Variants in PPARG observed in about 807,000 individuals in gnomAD.
PPARG encodes the protein peroxisome proliferator activated receptor gamma.
In PPARG, 17 loss-of-function variants were observed where a neutral mutation model predicts 39.2. The observed-to-expected ratio is 0.43, with a 90% confidence interval of 0.30 to 0.65. PPARG has a LOEUF of 0.65. PPARG is among the 30% of genes least tolerant of loss of function. The probability of loss-of-function intolerance (pLI) is 0.13; values close to 1 mark genes in which losing one functional copy is unlikely to be tolerated. For missense variants in PPARG, 406 were observed against 585.9 expected (o/e 0.69, Z 3.17); for synonymous variants, 223 against 215.7 (o/e 1.03, Z -0.30).
At chr3:12,416,622 A>G in intron 6 of PPARG, 82 bp from the exon 7 acceptor site, 2 of 1,351,278 alleles carry the variant, frequency 1.5e-6, no homozygotes, top group East Asian at 2.4e-5. Flanking sequence ...AGTTTACATA[A>G]ACAGTTTTCT....
At position 12,336,294 on chromosome 3, in the gene PPARG, G is replaced by C. The variant is rs149142522; in HGVS notation, c.-9+23841G>C. 8.2e-3 allele frequency among the ~76,000 whole-genome samples: 1,241 copies of C among 152,194 alleles called. 14 individuals are homozygous for C. Among genetic ancestry groups the C allele is most frequent in the African/African-American group, 0.028 (1,175 of 41,522 alleles). On this transcript the variant is annotated intron_variant, in intron 2 of 7. Transcript: ENST00000651735. Reference sequence around the variant, plus strand: ...ATGCTGGTTGCTCTTGGGGAGTTGTGGGGAGGAGGATAACCAGGTCAGGAG... The same window carrying C: ...ATGCTGGTTGCTCTTGGGGAGTTGTCGGGAGGAGGATAACCAGGTCAGGAG...
chr3:12,292,900 A>C (rs1044100368), intron 1 of PPARG, among the ~76,000 whole-genome samples: 2 of 152,154 alleles, frequency 1.3e-5, no homozygotes, highest in Admixed American at 6.5e-5. Flanking sequence ...CACTCTGCCC[A>C]CTGCAGTGTG....
At chr3:12,320,534 A>G (rs901957256) in intron 2 of PPARG, among the ~76,000 whole-genome samples, 3 of 152,224 alleles carry the variant, frequency 2.0e-5, no homozygotes, top group African/African-American at 7.2e-5. Context: ...CTATATTACT[A>G]TAAGAAATAT....
At chr3:12,370,020 A>G (rs1351810815) in intron 2 of PPARG, among the ~76,000 whole-genome samples, 1 of 151,944 alleles carries the variant, frequency 6.6e-6, no homozygotes, top group East Asian at 1.9e-4. Flanking sequence ...TGTCTTTCAG[A>G]TCCTTTGTTT....
intron 7 of PPARG, among the ~76,000 whole-genome samples, chr3:12,426,711 A>G (rs1008198368): frequency 2.0e-5 from 3 of 152,216 alleles, no homozygotes; most frequent in African/African-American, 7.2e-5. Context: ...GAAAATAGTA[A>G]TAGCTAATTT....
intron 1 of PPARG, among the ~76,000 whole-genome samples, chr3:12,308,187 A>G (rs1227877083): frequency 6.6e-6 from 1 of 151,906 alleles, no homozygotes; most frequent in African/African-American, 2.4e-5. Flanking sequence ...CTACAAAAAA[A>G]TGAAAAATTA....
chr3:12,379,497 T>G (rs2049543877), intron 2 of PPARG, among the ~76,000 whole-genome samples: 1 of 152,228 alleles, frequency 6.6e-6, no homozygotes, highest in Non-Finnish European at 1.5e-5. Context: ...GATCCTCTAT[T>G]ATGATACCTG....
intron 4 of PPARG, among the ~76,000 whole-genome samples, chr3:12,390,636 C>CTTTTTTTTTTTTTTT (rs1382187854): frequency 2.9e-5 from 2 of 69,186 alleles, no homozygotes; most frequent in Non-Finnish European, 5.1e-5. Flanking sequence ...GTATTTTCTT[C>CTTTTTTTTTTTTTTT]CTTTTTTTTT....
At chr3:12,333,682 C>G (rs1295348249) in intron 2 of PPARG, among the ~76,000 whole-genome samples, 1 of 152,140 alleles carries the variant, frequency 6.6e-6, no homozygotes, top group Non-Finnish European at 1.5e-5. Context: ...ATGCCCCCTA[C>G]CTCGTCTAGA....
chr3:12,291,437 G>T (rs2046646239), intron 1 of PPARG, among the ~76,000 whole-genome samples: 1 of 152,162 alleles, frequency 6.6e-6, no homozygotes, highest in South Asian at 2.1e-4. Context: ...CAAAAATTTA[G>T]ATTTAAGATT....
chr3:12,307,832 A>G (rs2047114537), intron 1 of PPARG, among the ~76,000 whole-genome samples: 1 of 152,228 alleles, frequency 6.6e-6, no homozygotes, highest in Admixed American at 6.5e-5. Context: ...AATTTTGCAG[A>G]GAATGAGGAG....
intron 2 of PPARG, among the ~76,000 whole-genome samples, chr3:12,370,898 G>C (rs2049189005): frequency 6.6e-6 from 1 of 152,200 alleles, no homozygotes; most frequent in Non-Finnish European, 1.5e-5. Flanking sequence ...ACCAAGAGGA[G>C]CTGTGGACTC....
At chr3:12,376,529 T>C (rs544305825) in intron 2 of PPARG, among the ~76,000 whole-genome samples, 1 of 152,182 alleles carries the variant, frequency 6.6e-6, no homozygotes, top group East Asian at 1.9e-4. Flanking sequence ...AGTATGTATA[T>C]ACAGAAGAGA....
At chr3:12,295,417 T>G (rs532198275) in intron 1 of PPARG, among the ~76,000 whole-genome samples, 169 of 152,262 alleles carry the variant, frequency 1.1e-3, no homozygotes, top group South Asian at 2.1e-3. Flanking sequence ...CTACATGTTT[T>G]CCTAAAGAAT....
At chr3:12,386,134 A>G (rs895470319) in intron 4 of PPARG, among the ~76,000 whole-genome samples, 21 of 152,328 alleles carry the variant, frequency 1.4e-4, no homozygotes, top group African/African-American at 3.4e-4. Flanking sequence ...CTCTAAAATA[A>G]TAAAAAAGTG....
At chr3:12,397,375 C>G (rs934084307) in intron 5 of PPARG, among the ~76,000 whole-genome samples, 5 of 132,010 alleles carry the variant, frequency 3.8e-5, no homozygotes, top group African/African-American at 1.4e-4. Flanking sequence ...TAACCTATTC[C>G]TTTTTATTAT....
chr3:12,291,666 A>C (rs2046651937), intron 1 of PPARG, among the ~76,000 whole-genome samples: 1 of 152,226 alleles, frequency 6.6e-6, no homozygotes, highest in African/African-American at 2.4e-5. Context: ...ATGTTTAGAT[A>C]ATATCTGTCA....
chr3:12,292,647 C>T (rs1014481359), intron 1 of PPARG, among the ~76,000 whole-genome samples: 1 of 152,028 alleles, frequency 6.6e-6, no homozygotes, highest in African/African-American at 2.4e-5. Context: ...AAATTCTTCG[C>T]GTGAATTGTT....
At chr3:12,412,519 G>A (rs950386452) in intron 6 of PPARG, among the ~76,000 whole-genome samples, 1 of 152,104 alleles carries the variant, frequency 6.6e-6, no homozygotes, top group African/African-American at 2.4e-5. Context: ...TATATTTGAT[G>A]TATCCCTCAA....
Sources: allele counts gnomAD v4.1 joint callset (sites outside exome capture counted in the v4.1 genomes callset), GRCh38; gene constraint gnomAD v4.1.1; transcripts MANE v1.5; gene names NCBI Gene and HGNC (gene_info 2026-07-23, HGNC 2026-07-21).